BCAS3: variants seen among roughly 807,000 people sequenced by gnomAD.
The protein encoded by BCAS3 is BCAS3 microtubule associated cell migration factor.
In BCAS3, 53 loss-of-function variants were observed where a neutral mutation model predicts 116.1. The observed-to-expected ratio is 0.46, with a 90% CI of 0.37 to 0.57. BCAS3 has a LOEUF of 0.57. Ranked by LOEUF, BCAS3 falls within the 20% of genes least tolerant of loss-of-function variation. BCAS3 has a pLI of 0.00. For missense variants in BCAS3, 917 were observed against 1,165.4 expected (o/e 0.79, Z 3.10); for synonymous variants, 391 against 408.2 (o/e 0.96, Z 0.51).
Position 60,993,880 on chromosome 17 carries a change from C to T in BCAS3, c.1486+3645C>T, listed in dbSNP as rs2063684189. 6.6e-6 allele frequency among the ~76,000 whole-genome samples: 1 copy of T among 151,990 alleles called. No individual in the cohort carries two copies. The highest frequency in any genetic ancestry group is 2.1e-4 in the South Asian group (1 of 4,820). Reference sequence around the variant, plus strand: ...GGTTAGGATTATTTTATCTATTTGCCAATTTTTTTAACTTTCCAGAGGATG... The same window carrying T: ...GGTTAGGATTATTTTATCTATTTGCTAATTTTTTTAACTTTCCAGAGGATG... On this transcript the variant is annotated intron_variant, in intron 15 of 23. Transcript: ENST00000407086. The surrounding 1 kb of genome is among the most constrained non-coding windows in gnomAD (Gnocchi z 4.2).
intron 22 of BCAS3, among the ~76,000 whole-genome samples, chr17:61,334,395 G>A (rs1199914419): frequency 6.6e-6 from 1 of 151,984 alleles, no homozygotes; most frequent in Non-Finnish European, 1.5e-5. Flanking sequence ...GGCCGGGCGC[G>A]GTGGCTCACG....
rs188285905 is a variant in BCAS3 at position 61,212,629 on chromosome 17, A to T, written c.2425+128065A>T. Among the ~76,000 whole-genome samples, 8 of 152,082 alleles carry T rather than the reference A, an allele frequency of 5.3e-5. No individual in the cohort carries two copies. In the East Asian group the frequency reaches 1.5e-3, roughly 29 times the overall value. ...TGTATAAAGATATATACATATAAAC[A>T]TATAAATATTTCTGTGTATTCAAGT... is the stretch of plus-strand genomic sequence containing the variant. On this transcript the variant is annotated intron_variant, in intron 22 of 23. Coordinates refer to ENST00000407086, the MANE Select transcript of BCAS3 (RefSeq NM_017679.5).
intron 19 of BCAS3, among the ~76,000 whole-genome samples, chr17:61,062,477 T>TA (rs906356918): frequency 9.9e-5 from 15 of 152,220 alleles, no homozygotes; most frequent in Non-Finnish European, 1.9e-4. Flanking sequence ...AGTGTGGACT[T>TA]ACTTTTCCAG....
rs1487387346 is a variant in BCAS3 at position 61,213,131 on chromosome 17, T to G, written c.2425+128567T>G. On this transcript the variant is annotated intron_variant, in intron 22 of 23. Coordinates refer to ENST00000407086, the MANE Select transcript of BCAS3 (RefSeq NM_017679.5). This position sits in a 1 kb window ranked among gnomAD's most constrained non-coding sequence, Gnocchi z 5.4. ...CATGTAGGTGTTAGTTTCCTTTCCTTGTTAAATTGTTATATATATATTTTT... is the reference window on the plus strand; with the variant it reads ...CATGTAGGTGTTAGTTTCCTTTCCTGGTTAAATTGTTATATATATATTTTT... 6.6e-6 allele frequency among the ~76,000 whole-genome samples: 1 copy of G among 152,088 alleles called. No individual in the cohort carries two copies. The highest frequency in any genetic ancestry group is 1.5e-5 in the Non-Finnish European group (1 of 68,016).
chr17:61,135,594 C>T (rs2076581915), intron 22 of BCAS3, among the ~76,000 whole-genome samples: 1 of 152,194 alleles, frequency 6.6e-6, no homozygotes, highest in African/African-American at 2.4e-5. Flanking sequence ...CCTGTGTGTA[C>T]ATCATAGAAG....
chr17:60,747,763 A>G, intron 6 of BCAS3, among the ~76,000 whole-genome samples: 1 of 151,478 alleles, frequency 6.6e-6, no homozygotes. Context: ...GCTGTAGATG[A>G]CTCTACTGTC....
chr17:61,187,817 GT>G (rs1025278063), intron 22 of BCAS3, among the ~76,000 whole-genome samples: 6 of 149,336 alleles, frequency 4.0e-5, no homozygotes, highest in South Asian at 2.1e-4. Flanking sequence ...AGCAGCTAAG[GT>G]TTTTTTTTTC....
rs2064508800 is a variant in BCAS3, at chr17:61,004,517, T to C, written c.1487-11234T>C. ...TTGAGAATAACAGACATGAATAGTC[T>C]TGAGGTTGAAATCTGAGCAGGAACT... On this transcript the variant is annotated intron_variant, in intron 15 of 23. Transcript: ENST00000407086. The surrounding 1 kb of genome is among the most constrained non-coding windows in gnomAD (Gnocchi z 4.8). Among the ~76,000 whole-genome samples the C allele has an allele frequency of 6.6e-6, 1 of 152,034 alleles. No homozygotes were observed. The highest frequency in any genetic ancestry group is 1.5e-5 in the Non-Finnish European group (1 of 67,984).
At chr17:61,116,598 A>T (rs1390918451) in intron 22 of BCAS3, among the ~76,000 whole-genome samples, 2 of 152,202 alleles carry the variant, frequency 1.3e-5, no homozygotes, top group Non-Finnish European at 2.9e-5. Flanking sequence ...CTTCCTTCCT[A>T]CTGTTCCACA....
intron 22 of BCAS3, among the ~76,000 whole-genome samples, chr17:61,257,420 CAA>C (rs35124459): frequency 3.5e-5 from 2 of 57,232 alleles, no homozygotes; most frequent in African/African-American, 7.2e-5. Flanking sequence ...GACTCCATCT[CAA>C]AAAAAAAAAA....
intron 21 of BCAS3, 111 bp downstream of exon 21, chr17:61,078,640 C>A: frequency 1.0e-5 from 9 of 882,446 alleles, no homozygotes; most frequent in Non-Finnish European, 1.6e-5. Flanking sequence ...TATCATGTTG[C>A]AGACTACATG....
chr17:61,336,383 A>G (rs2056724592), intron 22 of BCAS3, among the ~76,000 whole-genome samples: 1 of 152,182 alleles, frequency 6.6e-6, no homozygotes, highest in Admixed American at 6.5e-5. Flanking sequence ...GATATTAAAT[A>G]TCGGAACAGA....
intron 5 of BCAS3, among the ~76,000 whole-genome samples, chr17:60,741,458 C>T (rs1378642862): frequency 1.3e-5 from 2 of 152,180 alleles, no homozygotes; most frequent in Non-Finnish European, 2.9e-5. Context: ...TCTACTTATT[C>T]CAAGAGCTGC....
Position 60,993,872 on chromosome 17 carries a change from C to G in BCAS3, c.1486+3637C>G, listed in dbSNP as rs949196417. Among the ~76,000 whole-genome samples, 1 of 152,042 alleles carries G rather than the reference C, an allele frequency of 6.6e-6. No individual in the cohort carries two copies. Among genetic ancestry groups the G allele is most frequent in the Non-Finnish European group, 1.5e-5 (1 of 67,966 alleles). ...CCAGTTTAGGTTAGGATTATTTTAT[C>G]TATTTGCCAATTTTTTTAACTTTCC... On this transcript the variant is annotated intron_variant, in intron 15 of 23. Transcript: ENST00000407086. The surrounding 1 kb of genome is among the most constrained non-coding windows in gnomAD (Gnocchi z 4.2).
intron 22 of BCAS3, among the ~76,000 whole-genome samples, chr17:61,133,459 G>A (rs566586873): frequency 6.6e-6 from 1 of 152,262 alleles, no homozygotes; most frequent in East Asian, 1.9e-4. Context: ...AAAGATTTAG[G>A]CTGCTGGACT....
rs1001777501 is a variant in BCAS3, at chr17:61,228,712, G to A, written c.2426-139615G>A. The stretch of plus-strand genomic sequence containing the variant: ...TTAATAAATGTTTTGCGTTCTGACT[G>A]CTCCACTGACCAGTTGTTCCTCCAT... On this transcript the variant is annotated intron_variant, in intron 22 of 23. Transcript: ENST00000407086. The surrounding 1 kb of genome is among the most constrained non-coding windows in gnomAD (Gnocchi z 5.0). Among the ~76,000 whole-genome samples the A allele has an allele frequency of 1.3e-5, 2 of 152,196 alleles. No homozygotes were observed. Among genetic ancestry groups the A allele is most frequent in the Non-Finnish European group, 2.9e-5 (2 of 68,038 alleles).
chr17:61,330,795 A>G (rs919236626), intron 22 of BCAS3, among the ~76,000 whole-genome samples: 1 of 152,230 alleles, frequency 6.6e-6, no homozygotes, highest in Non-Finnish European at 1.5e-5. Context: ...ACTGTACTCC[A>G]TAGCATGACT....
At chr17:60,909,306 A>G (rs145778113) in intron 11 of BCAS3, among the ~76,000 whole-genome samples, 227 of 152,242 alleles carry the variant, frequency 1.5e-3, no homozygotes, top group Non-Finnish European at 2.7e-3. Flanking sequence ...TCTATACACA[A>G]CTGTCTTTGT....
intron 22 of BCAS3, among the ~76,000 whole-genome samples, chr17:61,209,551 G>C (rs1248771313): frequency 6.6e-6 from 1 of 152,170 alleles, no homozygotes; most frequent in African/African-American, 2.4e-5. Flanking sequence ...AATGTCAAGG[G>C]CAGTGTAAAA....
Sources: gnomAD v4.1 joint callset for allele counts (sites outside exome capture counted in the v4.1 genomes callset) on GRCh38, gnomAD v4.1.1 for gene constraint, Gnocchi (gnomAD v3.1) non-coding constraint, MANE v1.5 for transcripts, NCBI Gene and HGNC (gene_info 2026-07-23, HGNC 2026-07-21) for gene names.